The following SIPA1L3 variants were observed in gnomAD, a reference collection of about 807,000 sequenced individuals.
SIPA1L3 encodes signal induced proliferation associated 1 like 3.
Under a neutral mutation model 150.1 loss-of-function variants are expected in SIPA1L3, and 59 were observed. The ratio of observed to expected loss-of-function variants is 0.39; its 90% CI spans 0.32 to 0.49. The LOEUF is 0.49. SIPA1L3 is among the 20% of genes least tolerant of loss of function. The probability of loss-of-function intolerance (pLI) is 0.86; values close to 1 mark genes in which losing one functional copy is unlikely to be tolerated. For synonymous variants in SIPA1L3, 1,070 were observed against 1,077.6 expected (o/e 0.99, Z 0.14); for missense variants, 2,211 against 2,489.5 (o/e 0.89, Z 2.38).
intron 13 of SIPA1L3, among the ~76,000 whole-genome samples, chr19:38,158,562 G>A (rs1972001878): frequency 6.6e-6 from 1 of 152,212 alleles, no homozygotes; most frequent in Non-Finnish European, 1.5e-5. Flanking sequence ...GATCTGACTC[G>A]GGTGTTCCCA....
chr19:38,175,900 G>GGC (rs1216443087), intron 15 of SIPA1L3, among the ~76,000 whole-genome samples: 1 of 152,094 alleles, frequency 6.6e-6, no homozygotes, highest in African/African-American at 2.4e-5. Flanking sequence ...TGGGCACACT[G>GGC]GCGCTCCAGA....
intron 2 of SIPA1L3, among the ~76,000 whole-genome samples, chr19:38,066,010 A>G (rs1969579329): frequency 7.0e-6 from 1 of 143,630 alleles, no homozygotes; most frequent in Non-Finnish European, 1.5e-5. Flanking sequence ...TTATTTATTT[A>G]TTTATTTATT....
chr19:38,079,722 A>G (rs990799405), intron 2 of SIPA1L3, among the ~76,000 whole-genome samples: 1 of 151,878 alleles, frequency 6.6e-6, no homozygotes, highest in African/African-American at 2.4e-5. Flanking sequence ...TGCCTGGCTA[A>G]TTTTTGTATT....
rs1198501685 is a variant in SIPA1L3, at chr19:38,130,633, C to T, written c.3004C>T (p.Arg1002Trp). 59 of 1,613,618 alleles carry T rather than the reference C, an allele frequency of 3.7e-5. No individual in the cohort carries two copies. Among genetic ancestry groups the T allele is most frequent in the Non-Finnish European group, 4.8e-5 (57 of 1,180,040 alleles). The change falls in exon 10 of 22, where the codon CGG becomes TGG. Residue 1002 changes from arginine (R) to tryptophan (W), a missense_variant. Around this residue, in one of 5 missense-constraint regions of SIPA1L3, gnomAD observed 625 missense variants for 804.2 expected, o/e 0.78. Coordinates refer to ENST00000222345, the MANE Select transcript of SIPA1L3 (RefSeq NM_015073.3). ...DYGFAWQAGL[R>W]QGSRLVEICK... is the part of the protein sequence containing the mutation. ...TGGGTTCGCCTGGCAGGCCGGCCTC[C>T]GGCAGGGCAGCCGACTAGTGGAGAT...
At chr19:38,123,923 G>A (rs1441825522) in intron 9 of SIPA1L3, among the ~76,000 whole-genome samples, 1 of 146,196 alleles carries the variant, frequency 6.8e-6, no homozygotes, top group East Asian at 2.0e-4. Context: ...GGGCGGCCGG[G>A]CAGAGGCGCC....
At position 38,142,701 on chromosome 19, in the gene SIPA1L3, C is replaced by T. The variant is rs767513003; in HGVS notation, c.3524C>T (p.Ser1175Phe). 7 of 1,613,230 alleles carry T rather than the reference C, an allele frequency of 4.3e-6. No individual in the cohort carries two copies. The South Asian group carries it at 6.6e-5, about 15-fold the overall frequency. The change falls in exon 12 of 22, where the codon TCC (serine) becomes TTC (phenylalanine). Residue 1175 changes from serine (S) to phenylalanine (F), a missense_variant. Physicochemically the swap from Ser to Phe is radical, Grantham distance 155. Transcript: ENST00000222345. ...GSATYVRYKP[S>F]PERYTAAPHP... is the part of the protein sequence containing the mutation. ...GCCACCTACGTGAGATACAAGCCAT[C>T]CCCAGAAAGGTCAGCCTCCCTCAAT...
intron 14 of SIPA1L3, among the ~76,000 whole-genome samples, chr19:38,163,081 A>G (rs1401972944): frequency 1.3e-5 from 2 of 152,126 alleles, no homozygotes; most frequent in Non-Finnish European, 2.9e-5. Context: ...AGCGCTTACA[A>G]CACTCCAGGC....
intron 3 of SIPA1L3, 111 bp downstream of exon 3, chr19:38,083,210 T>A: frequency 8.6e-7 from 1 of 1,157,838 alleles, no homozygotes; most frequent in Non-Finnish European, 1.2e-6. Flanking sequence ...ACTGAGGATG[T>A]GGCGGGAACA....
At chr19:37,931,502 T>C (rs1369636608) in intron 1 of SIPA1L3, among the ~76,000 whole-genome samples, 1 of 152,086 alleles carries the variant, frequency 6.6e-6, no homozygotes, top group African/African-American at 2.4e-5. Flanking sequence ...ATCCCAGCAC[T>C]TTGGGAGACC....
intron 13 of SIPA1L3, among the ~76,000 whole-genome samples, chr19:38,161,596 C>T (rs988461250): frequency 6.6e-6 from 1 of 151,644 alleles, no homozygotes; most frequent in Non-Finnish European, 1.5e-5. Context: ...ATGGTGGTGC[C>T]ACACCTGTAA....
intron 8 of SIPA1L3, among the ~76,000 whole-genome samples, chr19:38,112,193 TCA>T (rs1568556208): frequency 6.7e-6 from 1 of 148,178 alleles, no homozygotes; most frequent in East Asian, 2.0e-4. Context: ...ATACATGCAC[TCA>T]CACAGGCACG....
intron 16 of SIPA1L3, among the ~76,000 whole-genome samples, chr19:38,191,135 G>A (rs1172409064): frequency 6.6e-6 from 1 of 152,190 alleles, no homozygotes; most frequent in African/African-American, 2.4e-5. Context: ...AGCTGGGCAT[G>A]GTGGCTCATA....
chr19:38,086,024 G>A (rs1267182772), intron 3 of SIPA1L3, among the ~76,000 whole-genome samples: 2 of 151,598 alleles, frequency 1.3e-5, no homozygotes, highest in African/African-American at 2.4e-5. Context: ...AAAAAAAAAC[G>A]CTACGGGGAG....
At chr19:37,924,912 C>T (rs562526545) in intron 1 of SIPA1L3, among the ~76,000 whole-genome samples, 40 of 149,900 alleles carry the variant, frequency 2.7e-4, no homozygotes, top group Non-Finnish European at 5.0e-4. Context: ...AGCTGGGCGA[C>T]GTGGCGTGCA....
At chr19:38,070,421 A>G (rs1969691323) in intron 2 of SIPA1L3, among the ~76,000 whole-genome samples, 1 of 151,962 alleles carries the variant, frequency 6.6e-6, no homozygotes, top group South Asian at 2.1e-4. Flanking sequence ...ATTCTATTTT[A>G]TTTCTCTGGC....
intron 2 of SIPA1L3, among the ~76,000 whole-genome samples, chr19:38,058,536 C>T (rs910533625): frequency 6.6e-6 from 1 of 152,074 alleles, no homozygotes; most frequent in African/African-American, 2.4e-5. Context: ...CCTCTGGGCT[C>T]GGAGGGAGTG....
At chr19:38,182,029 C>A (rs1344460998) in intron 15 of SIPA1L3, among the ~76,000 whole-genome samples, 2 of 150,496 alleles carry the variant, frequency 1.3e-5, no homozygotes, top group Non-Finnish European at 2.9e-5. Context: ...GTAGTCCCAG[C>A]TACTCGGAGG....
intron 1 of SIPA1L3, among the ~76,000 whole-genome samples, chr19:37,917,191 C>T (rs746307422): frequency 7.9e-5 from 12 of 152,040 alleles, no homozygotes; most frequent in Admixed American, 2.6e-4. Flanking sequence ...ACACTTTCAG[C>T]GTATCTCAGT....
rs996302233 is a variant in SIPA1L3, at chr19:38,152,981, C to T, written c.3661+14C>T. On this transcript the variant is annotated intron_variant, in intron 13 of 21. Coordinates refer to ENST00000222345, the MANE Select transcript of SIPA1L3 (RefSeq NM_015073.3). The stretch of plus-strand genomic sequence containing the variant: ...GCCAGAAGCCAGGTAGGGCCCCCAC[C>T]AGCTGCTGCGCCCACCCGCCTGCCT... 5 of 1,609,768 alleles carry T rather than the reference C, an allele frequency of 3.1e-6. No individual in the cohort carries two copies. The Admixed American group carries it at 6.7e-5, about 22-fold the overall frequency.
Sources: allele counts gnomAD v4.1 joint callset (sites outside exome capture counted in the v4.1 genomes callset), GRCh38; gene constraint gnomAD v4.1.1; regional missense constraint gnomAD v4.1.1; transcripts MANE v1.5; gene names NCBI Gene and HGNC (gene_info 2026-07-23, HGNC 2026-07-21).